Variants in ALPK2 observed in about 807,000 individuals in gnomAD.
ALPK2 encodes alpha-protein kinase 2.
A neutral mutation model predicts 163.1 loss-of-function variants in ALPK2; 127 were observed. That is an observed-to-expected ratio of 0.78 (90% CI 0.67 to 0.90). The LOEUF is 0.90. ALPK2 is among the 40% of genes least tolerant of loss of function. The pLI, the probability that ALPK2 is intolerant of heterozygous loss-of-function variation, is 0.00. For synonymous variants in ALPK2, 953 were observed against 959.1 expected, an observed-to-expected ratio of 0.99 and a Z score of 0.12; for missense variants, 2,360 against 2,589.6, an observed-to-expected ratio of 0.91 and a Z score of 1.92.
intron 6 of ALPK2, among the ~76,000 whole-genome samples, chr18:58,525,382 G>A (rs1406241518): frequency 2.0e-5 from 3 of 152,218 alleles, no homozygotes; most frequent in Non-Finnish European, 2.9e-5. Flanking sequence ...GGCCACAGAG[G>A]AGGCTTGTGG....
chr18:58,503,917 G>T lies in ALPK2; in HGVS notation c.6247+14C>A, dbSNP rs199777063. The stretch of plus-strand genomic sequence containing the variant: ...ACAGCATCCCTGGAGCCTGGGCTAA[G>T]CTGCTTTCCTCACCTTGCATGTCCG... On this transcript the variant is annotated intron_variant, in intron 11 of 12. Transcript: ENST00000361673. 4.1e-5 allele frequency: 66 copies of T among 1,607,412 alleles called. No homozygotes were observed. In the African/African-American group the frequency reaches 7.6e-4, roughly 19 times the overall value.
intron 4 of ALPK2, among the ~76,000 whole-genome samples, chr18:58,551,224 A>G (rs2051758435): frequency 6.6e-6 from 1 of 152,050 alleles, no homozygotes; most frequent in Non-Finnish European, 1.5e-5. Flanking sequence ...TTAAAACACC[A>G]CAGCTTTACT....
intron 3 of ALPK2, among the ~76,000 whole-genome samples, chr18:58,594,623 A>G (rs897077500): frequency 6.6e-6 from 1 of 152,168 alleles, no homozygotes; most frequent in African/African-American, 2.4e-5. Context: ...CTGCTAATTC[A>G]TCAAACACCC....
intron 4 of ALPK2, among the ~76,000 whole-genome samples, chr18:58,545,752 G>A (rs1242616391): frequency 6.6e-6 from 1 of 152,028 alleles, no homozygotes; most frequent in Non-Finnish European, 1.5e-5. Flanking sequence ...TCTGGATGAG[G>A]TAAGTAGAAA....
intron 10 of ALPK2, among the ~76,000 whole-genome samples, chr18:58,506,818 C>T (rs903613863): frequency 1.3e-5 from 2 of 152,258 alleles, no homozygotes; most frequent in East Asian, 1.9e-4. Context: ...GGCAGGGGGC[C>T]GTCCTGTGCA....
Position 58,579,032 on chromosome 18 carries a change from C to G in ALPK2, c.1744G>C (p.Glu582Gln), listed in dbSNP as rs1463929448. 2 of 1,614,088 alleles carry G rather than the reference C, an allele frequency of 1.2e-6. No homozygotes were observed. The highest frequency in any genetic ancestry group is 2.7e-5 in the African/African-American group (2 of 74,924). Residue 582 changes from glutamate (E) to glutamine (Q), a missense_variant, in exon 4 of 13, where the codon GAG becomes CAG. Physicochemically the swap from Glu to Gln is conservative, Grantham distance 29. Coordinates refer to ENST00000361673, the MANE Select transcript of ALPK2 (RefSeq NM_052947.4). Reference protein sequence around the residue: ...EPPLTQSDKRETSHTTAAATG... With the variant: ...EPPLTQSDKRQTSHTTAAATG... ...GCTGCTGCTGTGGTGTGAGAAGTCT[C>G]TCTTTTATCACTCTGGGTTAGTGGG...
At chr18:58,521,769 A>C (rs868419774) in intron 8 of ALPK2, among the ~76,000 whole-genome samples, 33 of 151,508 alleles carry the variant, frequency 2.2e-4, no homozygotes, top group African/African-American at 7.5e-4. Flanking sequence ...CTGGGATTAC[A>C]GGTGCGTGCC....
At chr18:58,552,821 G>A (rs570661086) in intron 4 of ALPK2, among the ~76,000 whole-genome samples, 2 of 152,298 alleles carry the variant, frequency 1.3e-5, no homozygotes, top group Non-Finnish European at 2.9e-5. Flanking sequence ...GGTGGCTGGG[G>A]GAATGGAGAG....
intron 3 of ALPK2, among the ~76,000 whole-genome samples, chr18:58,583,748 AAAAAAAG>A (rs1396540194): frequency 2.0e-5 from 3 of 151,658 alleles, no homozygotes; most frequent in Admixed American, 6.6e-5. Flanking sequence ...AAAAAAAAAA[AAAAAAAG>A]AAAGAAAGAA....
chr18:58,625,607 TA>T (rs1393999937), intron 1 of ALPK2, among the ~76,000 whole-genome samples: 1 of 152,232 alleles, frequency 6.6e-6, no homozygotes, highest in Non-Finnish European at 1.5e-5. Flanking sequence ...CTTGAAAGTT[TA>T]AGAACCGCTG....
At chr18:58,560,902 G>A (rs7232928) in intron 4 of ALPK2, among the ~76,000 whole-genome samples, 21,067 of 152,150 alleles carry the variant, frequency 0.14, 1,722 homozygotes, top group African/African-American at 0.22. Context: ...TTCTCAGCAG[G>A]CCTATGCCCC....
intron 2 of ALPK2, among the ~76,000 whole-genome samples, chr18:58,609,089 TAA>T (rs989604020): frequency 4.2e-4 from 64 of 152,198 alleles, no homozygotes; most frequent in African/African-American, 1.5e-3. Context: ...CTGAAAATGC[TAA>T]GTCTCCCTCC....
chr18:58,497,769 G>A (rs1267792437), intron 12 of ALPK2, among the ~76,000 whole-genome samples: 1 of 152,190 alleles, frequency 6.6e-6, no homozygotes, highest in African/African-American at 2.4e-5. Flanking sequence ...AGTAATGCCA[G>A]CATTTTCTCC....
At chr18:58,541,047 C>T (rs2051686998) in intron 4 of ALPK2, among the ~76,000 whole-genome samples, 1 of 152,334 alleles carries the variant, frequency 6.6e-6, no homozygotes, top group Admixed American at 6.5e-5. Context: ...ACAAAATAAT[C>T]ATATTCCATT....
rs1568099870 is a variant in ALPK2, at chr18:58,607,451, G to GC, written c.110-13_110-12insG. ...TGGCTTGGGCTGACCTGACAATAAA[G>GC]AAAGAAAAGTATCCTTATTAGTTTA... On this transcript the variant is annotated splice_polypyrimidine_tract_variant and intron_variant, in intron 2 of 12. Transcript: ENST00000361673. The GC allele has an allele frequency of 6.8e-7, 1 of 1,461,728 alleles. No individual in the cohort carries two copies. The highest frequency in any genetic ancestry group is 9.2e-7 in the Non-Finnish European group (1 of 1,084,506). The allele number at this position is 1,461,728 out of a possible 1,614,324, so 90.5% of individuals were successfully genotyped here. A position where few individuals can be genotyped will look rare whatever the true frequency, so the allele number is the denominator to read the frequency against.
intron 1 of ALPK2, among the ~76,000 whole-genome samples, chr18:58,619,338 A>T (rs2052186490): frequency 6.6e-6 from 1 of 151,172 alleles, no homozygotes. Context: ...TGTAAGAAGC[A>T]TAACTTCTCA....
At chr18:58,540,454 A>AT (rs983274560) in intron 4 of ALPK2, among the ~76,000 whole-genome samples, 4 of 152,164 alleles carry the variant, frequency 2.6e-5, no homozygotes, top group African/African-American at 7.2e-5. Flanking sequence ...GGGATAAGGT[A>AT]TTTTTTTAAA....
At chr18:58,612,900 A>G (rs1161458984) in intron 1 of ALPK2, among the ~76,000 whole-genome samples, 1 of 152,206 alleles carries the variant, frequency 6.6e-6, no homozygotes, top group Non-Finnish European at 1.5e-5. Context: ...CGGACAAAGA[A>G]AAGAACCACA....
At chr18:58,611,929 G>A in intron 1 of ALPK2, 112 bp from the exon 2 acceptor site, 2 of 644,358 alleles carry the variant, frequency 3.1e-6, no homozygotes, top group Admixed American at 3.3e-5. Flanking sequence ...GCACGCTGGA[G>A]GGTGGGCAGA....
Sources: gnomAD v4.1 joint callset for allele counts (sites outside exome capture counted in the v4.1 genomes callset) on GRCh38, gnomAD v4.1.1 for gene constraint, MANE v1.5 for transcripts, NCBI Gene and HGNC (gene_info 2026-07-23, HGNC 2026-07-21) for gene names.